The following CDK19 variants were observed in gnomAD, a reference collection of about 807,000 sequenced individuals.
CDK19 encodes cyclin-dependent kinase 19.
Under a neutral mutation model 68.3 loss-of-function variants are expected in CDK19, and 20 were observed. The observed-to-expected ratio is 0.29, with a 90% CI of 0.21 to 0.43. The LOEUF (loss-of-function observed/expected upper bound fraction) is 0.43. Among genes scored for constraint, CDK19 ranks in the 20% least tolerant of loss-of-function variants. The probability of loss-of-function intolerance (pLI) is 1.00; values close to 1 mark genes in which losing one functional copy is unlikely to be tolerated. For synonymous variants in CDK19, 221 were observed against 222.8 expected (o/e 0.99, Z 0.07); for missense variants, 339 against 623.5 (o/e 0.54, Z 4.86).
chr6:110,805,368 T>C (rs1463357272), intron 1 of CDK19, among the ~76,000 whole-genome samples: 3 of 152,196 alleles, frequency 2.0e-5, no homozygotes, highest in African/African-American at 7.2e-5. Context: ...CATTAGTTTT[T>C]AAACATCCAA....
chr6:110,635,485 T>C (rs923974138), intron 5 of CDK19, among the ~76,000 whole-genome samples: 2 of 152,164 alleles, frequency 1.3e-5, no homozygotes, highest in African/African-American at 4.8e-5. Context: ...AAGGCTTAGA[T>C]ACAGCAAAGG....
At chr6:110,730,582 C>T (rs1776674839) in intron 2 of CDK19, among the ~76,000 whole-genome samples, 1 of 152,130 alleles carries the variant, frequency 6.6e-6, no homozygotes, top group African/African-American at 2.4e-5. Flanking sequence ...AACAAAGAAA[C>T]ACTATTAAAC....
chr6:110,614,850 T>C (rs183642622), intron 12 of CDK19, among the ~76,000 whole-genome samples, 184 bp from the exon 13 acceptor site: 1 of 152,214 alleles, frequency 6.6e-6, no homozygotes, highest in South Asian at 2.1e-4. Flanking sequence ...CTGCCACCAC[T>C]GTAACCACAC....
chr6:110,621,507 T>G lies in CDK19; in HGVS notation c.1111-137A>C, dbSNP rs1582691879. On this transcript the variant is annotated intron_variant, in intron 11 of 12. Coordinates refer to ENST00000368911, the MANE Select transcript of CDK19 (RefSeq NM_015076.5). This position sits in a 1 kb window ranked among gnomAD's most constrained non-coding sequence, Gnocchi z 5.4. ...GGGACACTAGAGTGATGGGGAGGAC[T>G]GGAGAATGGAGCAGCCAGGGAACAC... The G allele has an allele frequency of 1.2e-6, 1 of 826,824 alleles. No individual in the cohort carries two copies. Among genetic ancestry groups the G allele is most frequent in the East Asian group, 2.5e-5 (1 of 39,702 alleles). 51.2% of individuals were successfully genotyped at this position (826,824 alleles called of 1,614,324 possible). A position where few individuals can be genotyped will look rare whatever the true frequency, so the allele number is the denominator to read the frequency against.
intron 1 of CDK19, among the ~76,000 whole-genome samples, chr6:110,781,131 TAAAGA>T (rs1332009356): frequency 4.6e-5 from 7 of 152,184 alleles, no homozygotes; most frequent in African/African-American, 1.7e-4. Context: ...GGCTAATTTA[TAAAGA>T]AAAGAATTTT....
chr6:110,703,517 T>C (rs1404424884), intron 2 of CDK19, among the ~76,000 whole-genome samples: 1 of 152,128 alleles, frequency 6.6e-6, no homozygotes, highest in Non-Finnish European at 1.5e-5. Context: ...AGGACAGCTA[T>C]ACAACATACA....
intron 2 of CDK19, among the ~76,000 whole-genome samples, chr6:110,697,767 C>T (rs1444712349): frequency 1.3e-5 from 2 of 152,140 alleles, no homozygotes; most frequent in Non-Finnish European, 2.9e-5. Context: ...TCAAACTATA[C>T]TACAAGGCTA....
chr6:110,690,332 AC>A (rs1246997932), intron 2 of CDK19, among the ~76,000 whole-genome samples: 1 of 152,168 alleles, frequency 6.6e-6, no homozygotes, highest in Non-Finnish European at 1.5e-5. Flanking sequence ...AAATAGCCAG[AC>A]TACTGGGTCA....
At chr6:110,707,549 T>C (rs555898448) in intron 2 of CDK19, among the ~76,000 whole-genome samples, 25 of 152,272 alleles carry the variant, frequency 1.6e-4, no homozygotes, top group African/African-American at 4.6e-4. Context: ...ACTAACCACA[T>C]AGTTTTGTAA....
intron 1 of CDK19, among the ~76,000 whole-genome samples, chr6:110,773,247 A>C (rs1780165566): frequency 6.6e-6 from 1 of 151,606 alleles, no homozygotes; most frequent in Non-Finnish European, 1.5e-5. Flanking sequence ...TGGGAGGCTG[A>C]GGCAGGAGAA....
intron 4 of CDK19, among the ~76,000 whole-genome samples, chr6:110,642,153 T>C (rs369808334): frequency 3.2e-4 from 48 of 151,568 alleles, no homozygotes; most frequent in African/African-American, 1.1e-3. Context: ...ATACAAAAAT[T>C]AGCTGGGCGT....
chr6:110,762,208 T>A (rs1779275463), intron 1 of CDK19, among the ~76,000 whole-genome samples: 1 of 152,236 alleles, frequency 6.6e-6, no homozygotes. Flanking sequence ...ACTGCCACAG[T>A]AGAAATTTGT....
chr6:110,619,146 T>A (rs1002801845), intron 12 of CDK19, among the ~76,000 whole-genome samples: 6 of 152,198 alleles, frequency 3.9e-5, no homozygotes, highest in Non-Finnish European at 8.8e-5. Context: ...AATAGATATG[T>A]TGGAAGGTTT....
upstream of CDK19, chr6:110,815,554 T>G: frequency 6.4e-6 from 1 of 156,200 alleles, no homozygotes; most frequent in Non-Finnish European, 1.4e-5. Flanking sequence ...GCGTAAGAAA[T>G]ACAGCTCCCA....
At chr6:110,698,013 T>C (rs2114618148) in intron 2 of CDK19, among the ~76,000 whole-genome samples, 1 of 151,870 alleles carries the variant, frequency 6.6e-6, no homozygotes, top group Non-Finnish European at 1.5e-5. Flanking sequence ...AGAAATCAAC[T>C]GAAGATGGAT....
intron 2 of CDK19, among the ~76,000 whole-genome samples, chr6:110,737,316 C>CA (rs1777318063): frequency 6.6e-6 from 1 of 152,256 alleles, no homozygotes; most frequent in South Asian, 2.1e-4. Flanking sequence ...GTGAGTAACA[C>CA]AAAAGTGAGA....
intron 1 of CDK19, among the ~76,000 whole-genome samples, chr6:110,785,581 G>A (rs1307208385): frequency 6.6e-6 from 1 of 152,138 alleles, no homozygotes; most frequent in Admixed American, 6.5e-5. Flanking sequence ...CATTGAGTCG[G>A]CTGAGAAGAA....
intron 2 of CDK19, among the ~76,000 whole-genome samples, chr6:110,679,476 G>C (rs894110764): frequency 6.6e-6 from 1 of 152,114 alleles, no homozygotes; most frequent in African/African-American, 2.4e-5. Context: ...GCCAGGCGTG[G>C]TGGTGGGTGC....
intron 1 of CDK19, among the ~76,000 whole-genome samples, chr6:110,801,742 ACCT>A: frequency 6.6e-6 from 1 of 152,138 alleles, no homozygotes; most frequent in Non-Finnish European, 1.5e-5. Flanking sequence ...CGATCTCCTG[ACCT>A]CGTGATCCAC....
Sources: allele counts gnomAD v4.1 joint callset (sites outside exome capture counted in the v4.1 genomes callset), GRCh38; gene constraint gnomAD v4.1.1; non-coding constraint Gnocchi (gnomAD v3.1); transcripts MANE v1.5; gene names NCBI Gene and HGNC (gene_info 2026-07-23, HGNC 2026-07-21).